The following CCDC178 variants were observed in gnomAD, a reference collection of about 807,000 sequenced individuals.
The protein encoded by CCDC178 is coiled-coil domain-containing protein 178.
Under a neutral mutation model 117.4 loss-of-function variants are expected in CCDC178, and 126 were observed. The observed-to-expected ratio is 1.07, with a 90% CI of 0.93 to 1.24. CCDC178 has a LOEUF of 1.24. Ranked by LOEUF, CCDC178 falls within the 50% of genes most tolerant of loss-of-function variation. The pLI is 0.00. For missense variants in CCDC178, 1,030 were observed against 986.9 expected (o/e 1.04, Z -0.59); for synonymous variants, 283 against 313.4 (o/e 0.90, Z 1.02).
chr18:33,022,144 T>C (rs770170014), intron 21 of CCDC178, among the ~76,000 whole-genome samples: 6 of 152,240 alleles, frequency 3.9e-5, no homozygotes, highest in East Asian at 1.9e-4. Flanking sequence ...ATATATGAAA[T>C]GGAGATAATG....
rs12150837 is a variant in CCDC178 at position 33,269,407 on chromosome 18, T to C, written c.1177-2110A>G. 2.0e-5 allele frequency among the ~76,000 whole-genome samples: 3 copies of C among 151,734 alleles called. No individual in the cohort carries two copies. The Admixed American group carries it at 2.0e-4, about 10-fold the overall frequency. On this transcript the variant is annotated intron_variant, in intron 12 of 22. Coordinates refer to ENST00000383096, the MANE Select transcript of CCDC178 (RefSeq NM_001105528.4). ...TGTGTGAAAGACCAGGGTATTCACATGTTCTGGAAATACCTGAGAAGCTAT... is the reference window on the plus strand; with the variant it reads ...TGTGTGAAAGACCAGGGTATTCACACGTTCTGGAAATACCTGAGAAGCTAT...
intron 11 of CCDC178, among the ~76,000 whole-genome samples, chr18:33,313,019 T>G (rs1357850458): frequency 6.6e-6 from 1 of 152,208 alleles, no homozygotes; most frequent in Non-Finnish European, 1.5e-5. Context: ...GGGCAGGTTA[T>G]CCTATAGTCT....
chr18:33,109,592 A>G (rs1473759668), intron 20 of CCDC178, among the ~76,000 whole-genome samples: 1 of 151,532 alleles, frequency 6.6e-6, no homozygotes. Flanking sequence ...ATCTACATGA[A>G]AATATAGAAA....
intron 12 of CCDC178, among the ~76,000 whole-genome samples, chr18:33,285,258 T>C (rs2060084824): frequency 6.6e-6 from 1 of 152,102 alleles, no homozygotes; most frequent in Non-Finnish European, 1.5e-5. Context: ...CCTGGGCCAT[T>C]AAAAAATTAA....
At chr18:33,083,074 C>T (rs1295349292) in intron 21 of CCDC178, among the ~76,000 whole-genome samples, 2 of 152,180 alleles carry the variant, frequency 1.3e-5, no homozygotes, top group Non-Finnish European at 2.9e-5. Context: ...ACATGTAGAA[C>T]TTACTACGTA....
At chr18:32,944,529 C>T (rs968597091) in intron 22 of CCDC178, among the ~76,000 whole-genome samples, 2 of 152,140 alleles carry the variant, frequency 1.3e-5, no homozygotes, top group African/African-American at 2.4e-5. Context: ...TTCAGTTAGC[C>T]ACAATATGTA....
intron 7 of CCDC178, among the ~76,000 whole-genome samples, chr18:33,350,647 C>T (rs936328090): frequency 2.0e-5 from 3 of 152,064 alleles, no homozygotes; most frequent in East Asian, 1.9e-4. Context: ...TGTGTATATA[C>T]AACACATTTG....
At chr18:33,427,919 G>A (rs1568220321) in intron 2 of CCDC178, among the ~76,000 whole-genome samples, 1 of 152,066 alleles carries the variant, frequency 6.6e-6, no homozygotes, top group Non-Finnish European at 1.5e-5. Context: ...AAACAATTTT[G>A]CAGTGAATAT....
Position 33,285,121 on chromosome 18 carries a change from T to G in CCDC178, c.1176+8038A>C, listed in dbSNP as rs565283863. On this transcript the variant is annotated intron_variant, in intron 12 of 22. Transcript: ENST00000383096. ...TTTTTAAATAAATTATTAAAAATTTTAAAATCTAATTTAAAAAGTGAAAAT... is the reference window on the plus strand; with the variant it reads ...TTTTTAAATAAATTATTAAAAATTTGAAAATCTAATTTAAAAAGTGAAAAT... Among the ~76,000 whole-genome samples the G allele has an allele frequency of 7.9e-5, 12 of 152,212 alleles. No homozygotes were observed. In the South Asian group the frequency reaches 2.5e-3, roughly 32 times the overall value.
chr18:33,206,642 A>G (rs961195774), intron 20 of CCDC178, among the ~76,000 whole-genome samples: 17 of 152,220 alleles, frequency 1.1e-4, no homozygotes, highest in African/African-American at 4.1e-4. Flanking sequence ...CTCAAAAGGA[A>G]TTAGTAAACA....
chr18:33,350,174 A>G (rs1399026808), intron 7 of CCDC178, among the ~76,000 whole-genome samples: 5 of 152,114 alleles, frequency 3.3e-5, no homozygotes, highest in South Asian at 2.1e-4. Context: ...TACCATTTAC[A>G]TGATATAGTA....
chr18:33,262,694 A>C (rs11874046), intron 14 of CCDC178, among the ~76,000 whole-genome samples: 127,715 of 152,112 alleles, frequency 0.84, 54,203 homozygotes, highest in South Asian at 0.93. Flanking sequence ...ACTTTCTCTA[A>C]GCTTCAGCCA....
chr18:32,970,480 T>A (rs2054903059), intron 22 of CCDC178, among the ~76,000 whole-genome samples: 1 of 151,924 alleles, frequency 6.6e-6, no homozygotes, highest in East Asian at 1.9e-4. Context: ...GAAACATTAT[T>A]TAGACCCCCT....
At chr18:33,234,826 T>C (rs1330535434) in intron 15 of CCDC178, among the ~76,000 whole-genome samples, 3 of 152,116 alleles carry the variant, frequency 2.0e-5, no homozygotes, top group Non-Finnish European at 4.4e-5. Flanking sequence ...ATGCTCCAGA[T>C]TCGACATGCT....
chr18:33,244,748 C>T lies in CCDC178; in HGVS notation c.1593+497G>A, dbSNP rs549528254. Reference sequence around the variant, plus strand: ...CCACAAATGGCAGAGAGCTGCTAGCCAATACATCTCTCACTTAGGAGTGGG... The same window carrying T: ...CCACAAATGGCAGAGAGCTGCTAGCTAATACATCTCTCACTTAGGAGTGGG... On this transcript the variant is annotated intron_variant, in intron 15 of 22. Transcript: ENST00000383096. Among the ~76,000 whole-genome samples, 56 of 151,984 alleles carry T rather than the reference C, an allele frequency of 3.7e-4. No individual in the cohort carries two copies. The South Asian group carries it at 0.011, about 30-fold the overall frequency.
rs1316760378 is a variant in CCDC178, at chr18:33,093,898, GA to G, written c.2239-989del. Among the ~76,000 whole-genome samples, 7 of 152,018 alleles carry G rather than the reference GA, an allele frequency of 4.6e-5. No homozygotes were observed. In the East Asian group the frequency reaches 1.4e-3, roughly 29 times the overall value. On this transcript the variant is annotated intron_variant, in intron 20 of 22. Transcript: ENST00000383096. ...GATTAATCATGATGACGATAATGAT[GA>G]TTCAATAACTAGATACAGAAATAAC...
chr18:33,104,306 G>A (rs2057672536), intron 20 of CCDC178, among the ~76,000 whole-genome samples: 1 of 151,632 alleles, frequency 6.6e-6, no homozygotes, highest in Non-Finnish European at 1.5e-5. Context: ...ATAACCATGA[G>A]ATTTCTTCTA....
At chr18:32,961,692 T>C (rs1165190568) in intron 22 of CCDC178, among the ~76,000 whole-genome samples, 2 of 152,076 alleles carry the variant, frequency 1.3e-5, no homozygotes, top group African/African-American at 4.8e-5. Flanking sequence ...ATCCCTTGCA[T>C]GTGTAATAGG....
intron 20 of CCDC178, among the ~76,000 whole-genome samples, chr18:33,166,210 A>G (rs2058526777): frequency 6.6e-6 from 1 of 152,194 alleles, no homozygotes; most frequent in South Asian, 2.1e-4. Flanking sequence ...ATCACACTTT[A>G]GGAACTGTTG....
Sources: allele counts gnomAD v4.1 joint callset (sites outside exome capture counted in the v4.1 genomes callset), GRCh38; gene constraint gnomAD v4.1.1; transcripts MANE v1.5; gene names NCBI Gene and HGNC (gene_info 2026-07-23, HGNC 2026-07-21).